The following DLGAP2 variants were observed in gnomAD, a reference collection of about 807,000 sequenced individuals.
DLGAP2 encodes disks large-associated protein 2.
Under a neutral mutation model 100.3 loss-of-function variants are expected in DLGAP2, and 26 were observed. That is an observed-to-expected ratio of 0.26 (90% confidence interval 0.19 to 0.36). The LOEUF (loss-of-function observed/expected upper bound fraction) is 0.36, where lower values mean the gene tolerates loss of function less well. Among genes scored for constraint, DLGAP2 ranks in the 10% least tolerant of loss-of-function variants. The pLI is 1.00. For synonymous variants in DLGAP2, 886 were observed against 630.1 expected (o/e 1.41, Z -6.08); for missense variants, 1,858 against 1,453.2 (o/e 1.28, Z -4.53).
chr8:967,562 G>A (rs1207230798), intron 2 of DLGAP2, among the ~76,000 whole-genome samples: 1 of 151,142 alleles, frequency 6.6e-6, no homozygotes, highest in Non-Finnish European at 1.5e-5. Context: ...CAGAGCAAGA[G>A]GAAAAGTTCA....
intron 3 of DLGAP2, among the ~76,000 whole-genome samples, chr8:1,313,213 G>C (rs1340716273): frequency 1.3e-5 from 2 of 152,216 alleles, no homozygotes; most frequent in African/African-American, 2.4e-5. Flanking sequence ...AAAGTTGTCT[G>C]TAAAGAGGGG....
At chr8:1,617,773 A>G (rs1396331498) in intron 6 of DLGAP2, among the ~76,000 whole-genome samples, 1 of 152,254 alleles carries the variant, frequency 6.6e-6, no homozygotes, top group African/African-American at 2.4e-5. Flanking sequence ...CCACTCAAAT[A>G]TTAACGCTAT....
intron 2 of DLGAP2, among the ~76,000 whole-genome samples, chr8:1,169,998 A>G (rs1797095127): frequency 1.3e-5 from 2 of 151,772 alleles, no homozygotes; most frequent in Non-Finnish European, 2.9e-5. Flanking sequence ...TTGCCCATTC[A>G]GTATGATATT....
chr8:1,307,520 A>G (rs1800518012), intron 3 of DLGAP2, among the ~76,000 whole-genome samples: 1 of 152,210 alleles, frequency 6.6e-6, no homozygotes, highest in South Asian at 2.1e-4. Flanking sequence ...ACTTCTGGCC[A>G]TACACCCAAA....
At chr8:1,231,460 G>C (rs1014534018) in intron 2 of DLGAP2, among the ~76,000 whole-genome samples, 5 of 152,160 alleles carry the variant, frequency 3.3e-5, no homozygotes, top group African/African-American at 1.2e-4. Context: ...ACTACTGTTT[G>C]ACGCAGCAAT....
At chr8:795,576 A>T (rs1563437398) in intron 1 of DLGAP2, among the ~76,000 whole-genome samples, 1 of 151,990 alleles carries the variant, frequency 6.6e-6, no homozygotes, top group Admixed American at 6.5e-5. Context: ...TGCAGTGGAA[A>T]ATTGTGCATC....
chr8:1,454,620 C>G (rs1194548498), intron 3 of DLGAP2, among the ~76,000 whole-genome samples: 2 of 152,152 alleles, frequency 1.3e-5, no homozygotes, highest in Non-Finnish European at 2.9e-5. Flanking sequence ...CTTTACATTT[C>G]CGAGCTCCAT....
intron 3 of DLGAP2, chr8:1,262,288 T>G (rs768008143): frequency 1.3e-5 from 2 of 152,256 alleles, no homozygotes; most frequent in African/African-American, 4.8e-5. Flanking sequence ...TAGATCATGA[T>G]CTCAATATGC....
At chr8:1,080,663 G>A (rs1230424924) in intron 2 of DLGAP2, among the ~76,000 whole-genome samples, 2 of 152,314 alleles carry the variant, frequency 1.3e-5, no homozygotes, top group South Asian at 2.1e-4. Context: ...CGTGCTGAAC[G>A]CAGTAGTTAC....
intron 2 of DLGAP2, among the ~76,000 whole-genome samples, chr8:1,055,039 C>T (rs950666050): frequency 6.6e-6 from 1 of 152,164 alleles, no homozygotes; most frequent in African/African-American, 2.4e-5. Context: ...GGTCAGAAAA[C>T]AGTTCCATGT....
At chr8:1,574,985 C>A (rs1056759100) in intron 6 of DLGAP2, among the ~76,000 whole-genome samples, 3 of 152,192 alleles carry the variant, frequency 2.0e-5, no homozygotes, top group African/African-American at 7.2e-5. Flanking sequence ...TCCACAAACA[C>A]ACACGTGTGC....
intron 1 of DLGAP2, among the ~76,000 whole-genome samples, chr8:759,877 C>G (rs184429108): frequency 2.0e-5 from 3 of 152,336 alleles, no homozygotes; most frequent in African/African-American, 7.2e-5. Context: ...GCTCTGTCAA[C>G]TCTAGGCAGT....
chr8:1,165,954 G>C (rs904700641), intron 2 of DLGAP2, among the ~76,000 whole-genome samples: 6 of 151,998 alleles, frequency 3.9e-5, no homozygotes, highest in Non-Finnish European at 5.9e-5. Context: ...CCAGTTTCTT[G>C]TAGTTGCTGT....
intron 2 of DLGAP2, among the ~76,000 whole-genome samples, chr8:1,225,771 A>T (rs1040677884): frequency 2.2e-4 from 33 of 152,196 alleles, no homozygotes; most frequent in African/African-American, 8.0e-4. Context: ...TAAGTTCAAG[A>T]CATCTATTGT....
chr8:1,304,763 A>C (rs1406795046), intron 3 of DLGAP2, among the ~76,000 whole-genome samples: 1 of 152,184 alleles, frequency 6.6e-6, no homozygotes, highest in Non-Finnish European at 1.5e-5. Flanking sequence ...TGCTACATGA[A>C]CATTTTGGGG....
chr8:751,030 C>A (rs1048132606), intron 1 of DLGAP2, among the ~76,000 whole-genome samples: 4 of 152,060 alleles, frequency 2.6e-5, no homozygotes, highest in African/African-American at 9.7e-5. Context: ...TCCGGCCACC[C>A]TCTCACGGAA....
Position 1,420,103 on chromosome 8 carries a change from T to G in DLGAP2, c.107-81263T>G, listed in dbSNP as rs535378159. On this transcript the variant is annotated intron_variant, in intron 3 of 14. Transcript: ENST00000637795. ...CAGCTAACCTTCAGTCCCTTTTCCC[T>G]TCCTGGAGGTCTGGGGTCGGGAGGG... Among the ~76,000 whole-genome samples, 6 of 152,302 alleles carry G rather than the reference T, an allele frequency of 3.9e-5. 1 individual carries two copies. In the South Asian group the frequency reaches 1.2e-3, roughly 32 times the overall value.
chr8:938,181 C>T (rs1037385463), intron 2 of DLGAP2, among the ~76,000 whole-genome samples: 2 of 152,106 alleles, frequency 1.3e-5, no homozygotes, highest in Non-Finnish European at 2.9e-5. Flanking sequence ...AAGTTAGACT[C>T]AGCATGTTTT....
At chr8:1,225,891 G>T (rs191371936) in intron 2 of DLGAP2, among the ~76,000 whole-genome samples, 1 of 152,086 alleles carries the variant, frequency 6.6e-6, no homozygotes, top group East Asian at 1.9e-4. Flanking sequence ...TAGCCATTCC[G>T]TAATGTATGC....
Sources: allele counts gnomAD v4.1 joint callset (sites outside exome capture counted in the v4.1 genomes callset), GRCh38; gene constraint gnomAD v4.1.1; transcripts MANE v1.5; gene names NCBI Gene and HGNC (gene_info 2026-07-23, HGNC 2026-07-21).